The following RPIA variants were observed in gnomAD, a reference collection of about 807,000 sequenced individuals.
The protein encoded by RPIA is ribose-5-phosphate isomerase.
RPIA carries 29 observed loss-of-function variants against 37.8 expected under a neutral mutation model. That is an observed-to-expected ratio of 0.77 (90% CI 0.57 to 1.05). The LOEUF (loss-of-function observed/expected upper bound fraction) is 1.05. Among genes scored for constraint, RPIA ranks in the 50% least tolerant of loss-of-function variants. The pLI is 0.00. For missense variants in RPIA, 385 were observed against 413.6 expected (o/e 0.93, Z 0.60); for synonymous variants, 167 against 157.0 (o/e 1.06, Z -0.48).
At chr2:88,744,089 G>A (rs1673413451) in intron 8 of RPIA, among the ~76,000 whole-genome samples, 1 of 152,102 alleles carries the variant, frequency 6.6e-6, no homozygotes, top group African/African-American at 2.4e-5. Flanking sequence ...GTTCCTTGAA[G>A]TGTAACCTCA....
intron 1 of RPIA, among the ~76,000 whole-genome samples, chr2:88,693,353 A>T (rs529843564): frequency 6.6e-6 from 1 of 152,330 alleles, no homozygotes; most frequent in East Asian, 1.9e-4. Flanking sequence ...TTCTGACCAC[A>T]TCATTTCATG....
intron 3 of RPIA, among the ~76,000 whole-genome samples, chr2:88,726,422 C>T (rs1276038509): frequency 6.6e-6 from 1 of 151,774 alleles, no homozygotes; most frequent in Admixed American, 6.6e-5. Context: ...TTATGTGTGG[C>T]CCAAGACAAT....
At chr2:88,728,492 A>G (rs1673225596) in intron 3 of RPIA, among the ~76,000 whole-genome samples, 1 of 152,218 alleles carries the variant, frequency 6.6e-6, no homozygotes. Flanking sequence ...TCTTTACAAA[A>G]AAGTTTTCCA....
intron 1 of RPIA, among the ~76,000 whole-genome samples, chr2:88,696,037 G>T (rs1185083883): frequency 6.6e-6 from 1 of 152,082 alleles, no homozygotes; most frequent in South Asian, 2.1e-4. Context: ...AGGCCTAGGG[G>T]CTGACTTTAA....
chr2:88,699,071 T>C (rs1269089299), intron 2 of RPIA, among the ~76,000 whole-genome samples: 1 of 152,258 alleles, frequency 6.6e-6, no homozygotes, highest in Admixed American at 6.5e-5. Flanking sequence ...TCCCTGCTCT[T>C]TGTTTGTAAG....
At chr2:88,724,375 C>T (rs1177354261) in intron 3 of RPIA, among the ~76,000 whole-genome samples, 2 of 151,282 alleles carry the variant, frequency 1.3e-5, no homozygotes, top group Admixed American at 6.6e-5. Context: ...GGTGTGATCT[C>T]GGCTCACTTC....
intron 8 of RPIA, among the ~76,000 whole-genome samples, chr2:88,746,289 C>G (rs540083568): frequency 1.3e-5 from 2 of 152,130 alleles, no homozygotes; most frequent in Non-Finnish European, 2.9e-5. Context: ...TGGTTTGGCT[C>G]CGTTACTGGA....
At chr2:88,719,037 C>G (rs1391554666) in intron 3 of RPIA, among the ~76,000 whole-genome samples, 2 of 152,066 alleles carry the variant, frequency 1.3e-5, no homozygotes, top group Non-Finnish European at 2.9e-5. Flanking sequence ...CTCTCTGAGT[C>G]CTGAAAGTTT....
chr2:88,747,011 T>C (rs1323645171), intron 8 of RPIA, among the ~76,000 whole-genome samples: 1 of 152,082 alleles, frequency 6.6e-6, no homozygotes, highest in East Asian at 1.9e-4. Context: ...GCCATAGAGC[T>C]CCCAAGAGTT....
At chr2:88,719,341 A>C (rs914862301) in intron 3 of RPIA, among the ~76,000 whole-genome samples, 1 of 152,192 alleles carries the variant, frequency 6.6e-6, no homozygotes, top group African/African-American at 2.4e-5. Flanking sequence ...TGGAACACAT[A>C]CCAATAACAT....
intron 1 of RPIA, among the ~76,000 whole-genome samples, chr2:88,698,080 CTTTCTT>C (rs1437375516): frequency 6.8e-6 from 1 of 147,098 alleles, no homozygotes; most frequent in African/African-American, 2.5e-5. Context: ...TTCTTTCTTT[CTTTCTT>C]TTTTTTTTTT....
At chr2:88,712,428 G>C (rs11688398) in intron 3 of RPIA, among the ~76,000 whole-genome samples, 1 of 152,122 alleles carries the variant, frequency 6.6e-6, no homozygotes, top group Admixed American at 6.6e-5. Context: ...AATTCTTTCA[G>C]ATTTTCTTTT....
chr2:88,691,887 G>C lies in RPIA; in HGVS notation c.189G>C (p.Gly63=). Residue 63 remains glycine (G), a synonymous_variant, in exon 1 of 9, where the codon GGG becomes GGC. Transcript: ENST00000283646. ...CTGGCAACACAAGCACCAGCTGCGG[G>C]GACTCCAACAGCATCTGCCCGGCCC... ...GGAGNTSTSC[G]DSNSICPAPS... is the part of the protein sequence containing the mutation. 1 of 1,596,696 alleles carries C rather than the reference G, an allele frequency of 6.3e-7. No homozygotes were observed. Among genetic ancestry groups the C allele is most frequent in the African/African-American group, 1.3e-5 (1 of 74,916 alleles).
chr2:88,693,765 C>G (rs1055258680), intron 1 of RPIA, among the ~76,000 whole-genome samples: 1 of 152,192 alleles, frequency 6.6e-6, no homozygotes, highest in African/African-American at 2.4e-5. Flanking sequence ...TTCCTGTTCT[C>G]TAGTCCATTG....
At chr2:88,698,665 T>A in intron 2 of RPIA, 121 bp downstream of exon 2, 1 of 880,316 alleles carries the variant, frequency 1.1e-6, no homozygotes, top group Non-Finnish European at 2.0e-6. Context: ...AGTACAGAGC[T>A]GGAGAGAGGG....
rs1368081732 is a variant in RPIA, at chr2:88,750,481, G to GC, written c.*406dup. ...CTTCTTTAAGCTGGTAAAGTGAGGG[G>GC]CCCACCAGCAGTGATCTCCTGATGC... On this transcript the variant is annotated 3_prime_UTR_variant, in exon 9 of 9. Transcript: ENST00000283646. 3 of 428,680 alleles carry GC rather than the reference G, an allele frequency of 7.0e-6. No individual in the cohort carries two copies. The highest frequency in any genetic ancestry group is 1.2e-5 in the Non-Finnish European group (3 of 243,772). The allele number at this position is 428,680 out of a possible 1,614,324, so 26.6% of individuals were successfully genotyped here. A position where few individuals can be genotyped will look rare whatever the true frequency, so the allele number is the denominator to read the frequency against.
At chr2:88,693,801 G>T (rs1188038004) in intron 1 of RPIA, among the ~76,000 whole-genome samples, 2 of 152,252 alleles carry the variant, frequency 1.3e-5, no homozygotes, top group Non-Finnish European at 2.9e-5. Context: ...GACCACTTCC[G>T]TGTCTGAGTG....
chr2:88,692,604 C>G (rs1296468560), intron 1 of RPIA, among the ~76,000 whole-genome samples: 2 of 152,010 alleles, frequency 1.3e-5, no homozygotes, highest in Non-Finnish European at 2.9e-5. Flanking sequence ...AGGTCGTGGT[C>G]CCTACTTGTT....
At chr2:88,742,611 C>T (rs1237097908) in intron 8 of RPIA, among the ~76,000 whole-genome samples, 1 of 152,074 alleles carries the variant, frequency 6.6e-6, no homozygotes, top group Non-Finnish European at 1.5e-5. Flanking sequence ...ATGGGAATGG[C>T]ATTGCATTTG....
Sources: gnomAD v4.1 joint callset for allele counts (sites outside exome capture counted in the v4.1 genomes callset) on GRCh38, gnomAD v4.1.1 for gene constraint, MANE v1.5 for transcripts, NCBI Gene and HGNC (gene_info 2026-07-23, HGNC 2026-07-21) for gene names.